The following LMNA variants were observed in gnomAD, a reference collection of about 807,000 sequenced individuals.
LMNA encodes the protein lamin.
In LMNA, 20 loss-of-function variants were observed where a neutral mutation model predicts 70.4. The observed-to-expected ratio is 0.28, with a 90% CI of 0.20 to 0.41. The LOEUF (loss-of-function observed/expected upper bound fraction) is 0.41, where lower values mean the gene tolerates loss of function less well. Among genes scored for constraint, LMNA ranks in the 10% least tolerant of loss-of-function variants. LMNA has a pLI of 1.00. For synonymous variants in LMNA, 339 were observed against 372.8 expected (o/e 0.91, Z 1.04); for missense variants, 652 against 917.2 (o/e 0.71, Z 3.73).
chr1:156,134,423 G>A lies in LMNA; in HGVS notation c.534G>A (p.Glu178=). The part of the protein sequence containing the change: ...QVAKLEAALG[E]AKKQLQDEML... ...CACAGCTTGAGGCAGCCCTAGGTGA[G>A]GCCAAGAAGCAACTTCAGGATGAGA... The change falls in exon 3 of 12, where the codon GAG becomes GAA. Residue 178 remains glutamate, a synonymous_variant. Transcript: ENST00000368300. This position sits in a 1 kb window ranked among gnomAD's most constrained non-coding sequence, Gnocchi z 5.3. The A allele has an allele frequency of 6.2e-7, 1 of 1,614,120 alleles. No individual in the cohort carries two copies. The highest frequency in any genetic ancestry group is 1.6e-4 in the Middle Eastern group (1 of 6,062).
chr1:156,130,858 G>T (rs1042301219), intron 2 of LMNA, 85 bp downstream of exon 2: 124 of 1,356,798 alleles, frequency 9.1e-5, no homozygotes, highest in Non-Finnish European at 1.3e-4. Flanking sequence ...CCCATGTGGT[G>T]CCTGGTCTGA....
intron 1 of LMNA, among the ~76,000 whole-genome samples, chr1:156,121,633 C>T (rs1358173000): frequency 1.3e-5 from 2 of 152,032 alleles, no homozygotes; most frequent in Non-Finnish European, 2.9e-5. Flanking sequence ...TGGTAGATCC[C>T]TTCACCTACC....
intron 1 of LMNA, among the ~76,000 whole-genome samples, chr1:156,120,650 C>CTAT (rs1209201234): frequency 6.6e-6 from 1 of 152,080 alleles, no homozygotes; most frequent in African/African-American, 2.4e-5. Flanking sequence ...GAGTTTGAGG[C>CTAT]TATTGTGAGC....
At chr1:156,131,474 C>T (rs1651057144) in intron 2 of LMNA, among the ~76,000 whole-genome samples, 1 of 152,008 alleles carries the variant, frequency 6.6e-6, no homozygotes, top group Admixed American at 6.6e-5. Context: ...CCTATAGTCC[C>T]AGCTACTTGG....
chr1:156,108,926 G>T (rs1418189105), intron 3 of LMNA, among the ~76,000 whole-genome samples: 1 of 152,168 alleles, frequency 6.6e-6, no homozygotes, highest in African/African-American at 2.4e-5. Flanking sequence ...AGTCGGGAGA[G>T]GCTAGGGATG....
rs28730738 is a variant in LMNA at position 156,130,544 on chromosome 1, C to A, written c.357-73C>A. The A allele has an allele frequency of 8.7e-5, 133 of 1,531,438 alleles. No individual in the cohort carries two copies. In the African/African-American group the frequency reaches 1.7e-3, roughly 20 times the overall value. 94.9% of individuals were successfully genotyped at this position (1,531,438 alleles called of 1,614,324 possible). ...TAGCAGCGCCAGCCCCCATGGCTGA[C>A]CTCCTGGGAGCCTGGCACTGTCTAG... On this transcript the variant is annotated intron_variant, in intron 1 of 11. Transcript: ENST00000368300.
At chr1:156,118,438 G>A (rs950596144) in intron 1 of LMNA, among the ~76,000 whole-genome samples, 2 of 152,168 alleles carry the variant, frequency 1.3e-5, no homozygotes, top group South Asian at 4.1e-4. Context: ...CGGAGGTGGT[G>A]TGTGTACTTG....
chr1:156,100,672 T>TG (rs1426261418), intron 3 of LMNA, among the ~76,000 whole-genome samples: 1 of 151,722 alleles, frequency 6.6e-6, no homozygotes, highest in East Asian at 1.9e-4. Context: ...GTAAGGTGTG[T>TG]GGGAAGAGTA....
At chr1:156,133,996 G>A (rs943164308) in intron 2 of LMNA, among the ~76,000 whole-genome samples, 2 of 151,510 alleles carry the variant, frequency 1.3e-5, no homozygotes, top group Non-Finnish European at 2.9e-5. Flanking sequence ...TGCCAGAGAA[G>A]GGAGTCCTGT....
rs1431212733 is a variant in LMNA, at chr1:156,137,121, T to A, written c.1497T>A (p.Ala499=). The A allele has an allele frequency of 6.2e-7, 1 of 1,613,886 alleles. No homozygotes were observed. Among genetic ancestry groups the A allele is most frequent in the Non-Finnish European group, 8.5e-7 (1 of 1,179,884 alleles). Residue 499 remains alanine, a synonymous_variant, in exon 9 of 12, where the codon GCT becomes GCA. Coordinates refer to ENST00000368300, the MANE Select transcript of LMNA (RefSeq NM_170707.4). This position sits in a 1 kb window ranked among gnomAD's most constrained non-coding sequence, Gnocchi z 4.6. ...CCTTTTCTCCTCTCCAGATCTGGGC[T>A]GCAGGAGCTGGGGCCACCCACAGCC... ...LKAGQVVTIW[A]AGAGATHSPP...
intron 3 of LMNA, among the ~76,000 whole-genome samples, chr1:156,097,672 G>C (rs1409258375): frequency 6.6e-6 from 1 of 152,240 alleles, no homozygotes; most frequent in Non-Finnish European, 1.5e-5. Context: ...AGGAGCATGA[G>C]AGTTAGAGGA....
intron 3 of LMNA, among the ~76,000 whole-genome samples, chr1:156,093,325 T>TA (rs1211220957): frequency 6.8e-6 from 1 of 147,954 alleles, no homozygotes; most frequent in East Asian, 2.0e-4. Context: ...TTTTTTTTTT[T>TA]AGATAGGTTC....
Position 156,139,919 on chromosome 1 carries a change from A to C in LMNA, c.*813A>C. ...TGCTGGGAGGAGGGAGAGGGAGGTCACTGGAAAGGGGAGAGCCTGCTGGCA... is the reference window on the plus strand; with the variant it reads ...TGCTGGGAGGAGGGAGAGGGAGGTCCCTGGAAAGGGGAGAGCCTGCTGGCA... On this transcript the variant is annotated 3_prime_UTR_variant, in exon 12 of 12. Transcript: ENST00000368300. 7.7e-7 allele frequency: 1 copy of C among 1,297,246 alleles called. No individual in the cohort carries two copies. 80.4% of individuals were successfully genotyped at this position (1,297,246 alleles called of 1,614,324 possible).
In LMNA at chr1:156,138,481, T is replaced by TTCCCAGGGC. The variant is rs1558134813; in HGVS notation, c.1699-1_1706dup. On this transcript the variant is annotated splice_region_variant and splice_polypyrimidine_tract_variant and intron_variant, in intron 10 of 11. Coordinates refer to ENST00000368300, the MANE Select transcript of LMNA (RefSeq NM_170707.4). The surrounding 1 kb of genome is among the most constrained non-coding windows in gnomAD (Gnocchi z 5.5). The stretch of plus-strand genomic sequence containing the variant: ...CCGTCCCGCCTGAGCCTTGTCTCCC[T>TTCCCAGGGC]TCCCAGGGCTCCCACTGCAGCAGCT... The TTCCCAGGGC allele has an allele frequency of 1.2e-6, 2 of 1,611,596 alleles. No individual in the cohort carries two copies. The highest frequency in any genetic ancestry group is 4.5e-5 in the East Asian group (2 of 44,846).
intron 3 of LMNA, among the ~76,000 whole-genome samples, chr1:156,108,850 A>T (rs1649440807): frequency 6.6e-6 from 1 of 152,066 alleles, no homozygotes. Flanking sequence ...CCCCCAGGGG[A>T]TGTTAGGCAA....
At chr1:156,119,782 G>A (rs542730102) in intron 1 of LMNA, among the ~76,000 whole-genome samples, 171 of 152,092 alleles carry the variant, frequency 1.1e-3, no homozygotes, top group African/African-American at 3.8e-3. Context: ...AGACAGGGTG[G>A]AGACAGCAGT....
At chr1:156,104,172 G>C (rs995835547) in intron 3 of LMNA, among the ~76,000 whole-genome samples, 1 of 152,242 alleles carries the variant, frequency 6.6e-6, no homozygotes, top group African/African-American at 2.4e-5. Flanking sequence ...GGGCGGCAGG[G>C]GTCGGGGTGA....
chr1:156,111,683 G>A (rs957299918), upstream of LMNA, among the ~76,000 whole-genome samples: 13 of 152,190 alleles, frequency 8.5e-5, no homozygotes, highest in Admixed American at 8.5e-4. Flanking sequence ...TCACCCTGTG[G>A]CATAGTGTGC....
chr1:156,100,523 T>C (rs1044755963), intron 3 of LMNA, among the ~76,000 whole-genome samples: 1 of 152,056 alleles, frequency 6.6e-6, no homozygotes, highest in Non-Finnish European at 1.5e-5. Context: ...TAGCTCTCCT[T>C]ACTATTGTTA....
Sources: gnomAD v4.1 joint callset for allele counts (sites outside exome capture counted in the v4.1 genomes callset) on GRCh38, gnomAD v4.1.1 for gene constraint, Gnocchi (gnomAD v3.1) non-coding constraint, MANE v1.5 for transcripts, NCBI Gene and HGNC (gene_info 2026-07-23, HGNC 2026-07-21) for gene names.